The following SMCHD1 variants were observed in gnomAD, a reference collection of about 807,000 sequenced individuals.
SMCHD1 encodes structural maintenance of chromosomes flexible hinge domain-containing protein 1.
A neutral mutation model predicts 254.7 loss-of-function variants in SMCHD1; 78 were observed. The observed-to-expected ratio is 0.31, with a 90% confidence interval of 0.26 to 0.37. The LOEUF (loss-of-function observed/expected upper bound fraction) is 0.37, where lower values mean the gene tolerates loss of function less well. Ranked by LOEUF, SMCHD1 falls within the 10% of genes least tolerant of loss-of-function variation. The probability of loss-of-function intolerance (pLI) is 1.00; values close to 1 mark genes in which losing one functional copy is unlikely to be tolerated. For synonymous variants in SMCHD1, 766 were observed against 794.9 expected, an observed-to-expected ratio of 0.96 and a Z score of 0.61; for missense variants, 1,840 against 2,408.1, an observed-to-expected ratio of 0.76 and a Z score of 4.94.
chr18:2,747,099 A>C (rs899871521), intron 29 of SMCHD1, among the ~76,000 whole-genome samples: 2 of 152,210 alleles, frequency 1.3e-5, no homozygotes, highest in Non-Finnish European at 2.9e-5. Context: ...AACCAAAGAT[A>C]GGTTTCTGTT....
intron 27 of SMCHD1, 106 bp downstream of exon 27, chr18:2,739,626 A>C: frequency 1.3e-6 from 1 of 771,280 alleles, no homozygotes; most frequent in Non-Finnish European, 2.1e-6. Flanking sequence ...TTTTGGGTTC[A>C]TATAATGTTA....
Position 2,802,595 on chromosome 18 carries a change from C to A in SMCHD1, c.*43C>A. ...AGGCCATTGGTCTCAGTAAGAATGC[C>A]CTGCTTTCTGCATCTCTGTTTCAGA... On this transcript the variant is annotated 3_prime_UTR_variant, in exon 48 of 48. Transcript: ENST00000320876. 6.6e-7 allele frequency: 1 copy of A among 1,516,058 alleles called. No individual in the cohort carries two copies. The allele number at this position is 1,516,058 out of a possible 1,614,324, so 93.9% of individuals were successfully genotyped here. A position where few individuals can be genotyped will look rare whatever the true frequency, so the allele number is the denominator to read the frequency against.
At position 2,659,662 on chromosome 18, in the gene SMCHD1, CT is replaced by C. The variant is rs1459018547; in HGVS notation, c.186+3404del. Reference sequence around the variant, plus strand: ...ATTTGAAGAAATTGTCTACATTTTCCTTTGTGTGGCTCCAATGTTTTTTGTT... The same window carrying C: ...ATTTGAAGAAATTGTCTACATTTTCCTTGTGTGGCTCCAATGTTTTTTGTT... On this transcript the variant is annotated intron_variant, in intron 1 of 47. Coordinates refer to ENST00000320876, the MANE Select transcript of SMCHD1 (RefSeq NM_015295.3). 2.7e-5 allele frequency among the ~76,000 whole-genome samples: 4 copies of C among 149,612 alleles called. No individual in the cohort carries two copies. In the South Asian group the frequency reaches 6.3e-4, roughly 24 times the overall value.
intron 19 of SMCHD1, among the ~76,000 whole-genome samples, chr18:2,720,715 A>C (rs1433229503): frequency 6.6e-6 from 1 of 152,058 alleles, no homozygotes; most frequent in Non-Finnish European, 1.5e-5. Context: ...TTAGTATATA[A>C]TTTTCCACGT....
At chr18:2,726,920 G>T (rs1344677943) in intron 22 of SMCHD1, 1 of 154,414 alleles carries the variant, frequency 6.5e-6, no homozygotes, top group Non-Finnish European at 1.4e-5. Flanking sequence ...AGAAAATGAA[G>T]TTGCATTAAA....
intron 28 of SMCHD1, among the ~76,000 whole-genome samples, chr18:2,741,810 C>A (rs1252999949): frequency 2.0e-5 from 3 of 152,170 alleles, no homozygotes; most frequent in Admixed American, 6.6e-5. Context: ...CTTCCTACAT[C>A]TTCAGTTATC....
At chr18:2,682,150 G>C (rs1375411703) in intron 5 of SMCHD1, among the ~76,000 whole-genome samples, 1 of 151,802 alleles carries the variant, frequency 6.6e-6, no homozygotes, top group Non-Finnish European at 1.5e-5. Flanking sequence ...TAGAGGTGGA[G>C]TTTTCTTAAG....
At chr18:2,750,881 T>G (rs777746847) in intron 32 of SMCHD1, among the ~76,000 whole-genome samples, 53 of 152,084 alleles carry the variant, frequency 3.5e-4, no homozygotes, top group Non-Finnish European at 5.4e-4. Flanking sequence ...TAAATCTATT[T>G]CAGGGAGATC....
intron 28 of SMCHD1, among the ~76,000 whole-genome samples, chr18:2,742,294 A>G (rs1007883726): frequency 3.3e-5 from 5 of 151,980 alleles, no homozygotes; most frequent in Admixed American, 6.6e-5. Flanking sequence ...ATCTTGGCTC[A>G]TTTTCGGAAT....
Position 2,771,627 on chromosome 18 carries a change from TC to T in SMCHD1, c.5052+11del, listed in dbSNP as rs1331908602. 1 of 1,516,574 alleles carries T rather than the reference TC, an allele frequency of 6.6e-7. No homozygotes were observed. Among genetic ancestry groups the T allele is most frequent in the Admixed American group, 2.6e-5 (1 of 38,144 alleles). The allele number at this position is 1,516,574 out of a possible 1,614,324, so 93.9% of individuals were successfully genotyped here. On this transcript the variant is annotated intron_variant, in intron 40 of 47. Transcript: ENST00000320876. ...TTCCTACAACACAACAGGTACAGCTTCCAACTATACGTGAAAGATTTTTTAT... is the reference window on the plus strand; with the variant it reads ...TTCCTACAACACAACAGGTACAGCTTCAACTATACGTGAAAGATTTTTTAT...
chr18:2,673,069 G>A, intron 3 of SMCHD1: 1 of 985,354 alleles, frequency 1.0e-6, no homozygotes, highest in Non-Finnish European at 1.2e-6. Context: ...ATGCTGTATA[G>A]TGCCATACAA....
chr18:2,672,801 C>G (rs1286741214), intron 3 of SMCHD1, among the ~76,000 whole-genome samples: 3 of 152,112 alleles, frequency 2.0e-5, no homozygotes, highest in Non-Finnish European at 4.4e-5. Context: ...CATAAGAATT[C>G]TATATCCAAA....
At chr18:2,705,856 T>A in intron 14 of SMCHD1, 49 bp downstream of exon 14, 1 of 1,117,378 alleles carries the variant, frequency 8.9e-7, no homozygotes, top group Non-Finnish European at 1.3e-6. Flanking sequence ...GATAACACTT[T>A]TGCATAATTG....
At chr18:2,748,384 A>AAATTTTTTTTTTTTTTTTTTTTTTTT (rs2075504984) in intron 30 of SMCHD1, among the ~76,000 whole-genome samples, 1 of 68,300 alleles carries the variant, frequency 1.5e-5, no homozygotes, top group African/African-American at 7.0e-5. Context: ...GTGTGTGTGT[A>AAATTTTTTTTTTTTTTTTTTTTTTTT]TATAAATTTT....
intron 34 of SMCHD1, among the ~76,000 whole-genome samples, chr18:2,759,549 C>CAGAA (rs1327746426): frequency 2.4e-4 from 22 of 92,764 alleles, no homozygotes; most frequent in African/African-American, 8.7e-4. Context: ...CATTTGGAAG[C>CAGAA]AGAAGTCCGT....
At chr18:2,725,688 G>A (rs1431402871) in intron 21 of SMCHD1, among the ~76,000 whole-genome samples, 1 of 151,572 alleles carries the variant, frequency 6.6e-6, no homozygotes, top group African/African-American at 2.4e-5. Flanking sequence ...TTTTTTTCAA[G>A]TACTATATGC....
intron 7 of SMCHD1, among the ~76,000 whole-genome samples, chr18:2,689,710 A>G (rs1194649635): frequency 6.6e-6 from 1 of 151,754 alleles, no homozygotes; most frequent in Non-Finnish European, 1.5e-5. Context: ...ATTACGGGAA[A>G]ATATTTATTT....
rs547496622 is a variant in SMCHD1 at position 2,683,214 on chromosome 18, A to G, written c.639-5180A>G. 3.9e-5 allele frequency among the ~76,000 whole-genome samples: 6 copies of G among 152,086 alleles called. No individual in the cohort carries two copies. In the South Asian group the frequency reaches 6.2e-4, roughly 16 times the overall value. On this transcript the variant is annotated intron_variant, in intron 5 of 47. Transcript: ENST00000320876. ...AGAAGTATTGCCATAGTAACTGAAT[A>G]CTTAGAACTCATTTACTTTTTTTTT...
chr18:2,677,447 A>T (rs1470510739), intron 5 of SMCHD1, among the ~76,000 whole-genome samples: 4 of 152,062 alleles, frequency 2.6e-5, no homozygotes, highest in Admixed American at 2.6e-4. Flanking sequence ...TCTTTTATGG[A>T]GATAAAATTT....
Sources: gnomAD v4.1 joint callset for allele counts (sites outside exome capture counted in the v4.1 genomes callset) on GRCh38, gnomAD v4.1.1 for gene constraint, MANE v1.5 for transcripts, NCBI Gene and HGNC (gene_info 2026-07-23, HGNC 2026-07-21) for gene names.